The following EMID1 variants were observed in gnomAD, a reference collection of about 807,000 sequenced individuals.
EMID1 encodes the protein EMI domain containing 1.
In EMID1, 40 loss-of-function variants were observed where a neutral mutation model predicts 60.6. That is an observed-to-expected ratio of 0.66 (90% CI 0.51 to 0.86). The LOEUF (loss-of-function observed/expected upper bound fraction) is 0.86, where lower values mean the gene tolerates loss of function less well. EMID1 is among the 40% of genes least tolerant of loss of function. The pLI, the probability that EMID1 is intolerant of heterozygous loss-of-function variation, is 0.00. For missense variants in EMID1, 585 were observed against 597.1 expected (o/e 0.98, Z 0.21); for synonymous variants, 242 against 231.0 (o/e 1.05, Z -0.43).
At chr22:29,219,626 TA>T (rs1404277214) in intron 3 of EMID1, among the ~76,000 whole-genome samples, 2 of 151,722 alleles carry the variant, frequency 1.3e-5, no homozygotes, top group Non-Finnish European at 2.9e-5. Context: ...AAAAAAAAGT[TA>T]AAAAATTAGC....
intron 12 of EMID1, among the ~76,000 whole-genome samples, chr22:29,239,619 T>A (rs1196086846): frequency 3.3e-5 from 5 of 152,196 alleles, no homozygotes; most frequent in African/African-American, 1.2e-4. Flanking sequence ...TGTTTTTGCC[T>A]TTTAGTATGC....
At chr22:29,239,097 T>G (rs1363250178) in intron 12 of EMID1, among the ~76,000 whole-genome samples, 1 of 144,318 alleles carries the variant, frequency 6.9e-6, no homozygotes, top group African/African-American at 2.7e-5. Flanking sequence ...TCTGTTCTAT[T>G]CTTTCAGCCT....
intron 14 of EMID1, among the ~76,000 whole-genome samples, chr22:29,258,202 A>G (rs2146494564): frequency 6.6e-6 from 1 of 152,286 alleles, no homozygotes; most frequent in South Asian, 2.1e-4. Flanking sequence ...TACTTTGGGA[A>G]GGGCTGAGAT....
At chr22:29,211,069 C>T (rs2039863450) in intron 1 of EMID1, among the ~76,000 whole-genome samples, 1 of 152,090 alleles carries the variant, frequency 6.6e-6, no homozygotes, top group Non-Finnish European at 1.5e-5. Context: ...CTATATGCGT[C>T]CATGCGAGAG....
chr22:29,241,102 G>GCC (rs1480544363), intron 12 of EMID1, among the ~76,000 whole-genome samples: 1 of 146,766 alleles, frequency 6.8e-6, no homozygotes, highest in African/African-American at 2.6e-5. Flanking sequence ...AGGGATGTGG[G>GCC]TCTGACTGGG....
At chr22:29,223,555 C>T (rs1235225845) in intron 3 of EMID1, among the ~76,000 whole-genome samples, 1 of 152,206 alleles carries the variant, frequency 6.6e-6, no homozygotes, top group Non-Finnish European at 1.5e-5. Flanking sequence ...CCCACCTCCA[C>T]CAACCAAAAA....
chr22:29,258,717 A>G, intron 14 of EMID1, 100 bp from the exon 15 acceptor site: 2 of 1,505,130 alleles, frequency 1.3e-6, no homozygotes, highest in Non-Finnish European at 1.8e-6. Flanking sequence ...TATACCTGGC[A>G]GAGCGTGCCC....
chr22:29,205,996 C>A lies in EMID1; in HGVS notation c.-43C>A. ...GCAGGCGGGGAGGACAGGCTGGGGG[C>A]GGCGACCGCGAGGGGCCGCGCGCGG... On this transcript the variant is annotated 5_prime_UTR_variant, in exon 1 of 15. Coordinates refer to ENST00000334018, the MANE Select transcript of EMID1 (RefSeq NM_133455.4). 8.7e-7 allele frequency: 1 copy of A among 1,146,728 alleles called. No homozygotes were observed. The highest frequency in any genetic ancestry group is 1.1e-6 in the Non-Finnish European group (1 of 926,752). The allele number at this position is 1,146,728 out of a possible 1,614,324, so 71.0% of individuals were successfully genotyped here. A position where few individuals can be genotyped will look rare whatever the true frequency, so the allele number is the denominator to read the frequency against.
chr22:29,246,210 C>G (rs939229889), intron 13 of EMID1, among the ~76,000 whole-genome samples: 1 of 152,078 alleles, frequency 6.6e-6, no homozygotes. Flanking sequence ...GCTGCAAATA[C>G]TTGGAGTGGC....
At chr22:29,255,202 C>CCCCATGGG in intron 14 of EMID1, 1 of 734,564 alleles carries the variant, frequency 1.4e-6, no homozygotes, top group Non-Finnish European at 2.1e-6. Flanking sequence ...CCACCCTCCC[C>CCCCATGGG]GCTTGGCTCC....
intron 13 of EMID1, among the ~76,000 whole-genome samples, chr22:29,245,737 A>G (rs923157416): frequency 2.0e-5 from 3 of 152,144 alleles, no homozygotes; most frequent in African/African-American, 7.2e-5. Context: ...ATGATAGTGC[A>G]CTGCAGGAAC....
intron 1 of EMID1, among the ~76,000 whole-genome samples, chr22:29,213,796 G>A (rs2039981110): frequency 6.6e-6 from 1 of 152,192 alleles, no homozygotes; most frequent in African/African-American, 2.4e-5. Context: ...CAGGTTCCCA[G>A]GCCGGGGCGT....
rs1293834324 is a variant in EMID1, at chr22:29,237,301, C to T, written c.1074+2952C>T. ...GGTTCAAGCAATTCTCTGCCTCAGC[C>T]TCCTGAATAGCTGGGACTACAGGCA... is the stretch of plus-strand genomic sequence containing the variant. On this transcript the variant is annotated intron_variant, in intron 12 of 14. Transcript: ENST00000334018. Among the ~76,000 whole-genome samples, 5 of 143,672 alleles carry T rather than the reference C, an allele frequency of 3.5e-5. 1 individual carries two copies. Among genetic ancestry groups the T allele is most frequent in the Admixed American group, 1.4e-4 (2 of 14,606 alleles). The allele number at this position is 143,672 out of a possible 152,430, so 94.3% of individuals were successfully genotyped here. A position where few individuals can be genotyped will look rare whatever the true frequency, so the allele number is the denominator to read the frequency against.
At chr22:29,253,052 C>G (rs1231417537) in intron 13 of EMID1, among the ~76,000 whole-genome samples, 1 of 152,234 alleles carries the variant, frequency 6.6e-6, no homozygotes, top group Non-Finnish European at 1.5e-5. Flanking sequence ...TACAATTTTT[C>G]AACTTTACAA....
In EMID1 at chr22:29,212,757, G is replaced by C. The variant is rs145405909; in HGVS notation, c.102-2169G>C. On this transcript the variant is annotated intron_variant, in intron 1 of 14. Transcript: ENST00000334018. ...TTTTTGTATTTTTAGTAGAGACAGG[G>C]TTTCTCCATGTTGCCCAGGCTGGTC... Among the ~76,000 whole-genome samples, 540 of 148,998 alleles carry C rather than the reference G, an allele frequency of 3.6e-3. 4 individuals are homozygous for C. Among genetic ancestry groups the C allele is most frequent in the African/African-American group, 0.012 (495 of 40,550 alleles).
chr22:29,237,074 T>C (rs1050273112), intron 12 of EMID1, among the ~76,000 whole-genome samples: 3 of 152,252 alleles, frequency 2.0e-5, no homozygotes, highest in African/African-American at 7.2e-5. Context: ...GAATTACGGG[T>C]GTGAGCCACC....
rs775716975 is a variant in EMID1 at position 29,232,369 on chromosome 22, G to C, written c.790G>C (p.Val264Leu). Reference protein sequence around the residue: ...PPGPPGPPAPVGPPHARISQH... With the variant: ...PPGPPGPPAPLGPPHARISQH... ...TGGCCCCCCTGGGCCCCCAGCCCCT[G>C]TTGGGCCACCCCATGCCCGGATCTC... Residue 264 changes from valine (V) to leucine (L), a missense_variant, in exon 8 of 15, where the codon GTT becomes CTT. By Grantham distance (32) the Val-to-Leu change is conservative. Coordinates refer to ENST00000334018, the MANE Select transcript of EMID1 (RefSeq NM_133455.4). 1.9e-6 allele frequency: 3 copies of C among 1,601,110 alleles called. No individual in the cohort carries two copies. The highest frequency in any genetic ancestry group is 2.2e-5 in the East Asian group (1 of 44,602).
At chr22:29,224,915 C>T (rs572734877) in intron 3 of EMID1, among the ~76,000 whole-genome samples, 1 of 152,352 alleles carries the variant, frequency 6.6e-6, no homozygotes, top group South Asian at 2.1e-4. Context: ...GGCCCCCGCC[C>T]CATTGCCAGC....
intron 12 of EMID1, among the ~76,000 whole-genome samples, chr22:29,243,065 T>C (rs1411144326): frequency 6.6e-6 from 1 of 152,152 alleles, no homozygotes; most frequent in Non-Finnish European, 1.5e-5. Context: ...TTCCCAGTAT[T>C]TCTCATCAAT....
Sources: allele counts gnomAD v4.1 joint callset (sites outside exome capture counted in the v4.1 genomes callset), GRCh38; gene constraint gnomAD v4.1.1; transcripts MANE v1.5; gene names NCBI Gene and HGNC (gene_info 2026-07-23, HGNC 2026-07-21).